The following RBMS3 variants were observed in gnomAD, a reference collection of about 807,000 sequenced individuals.
RBMS3 encodes RNA binding motif single stranded interacting protein 3, also known as RNA-binding motif, single-stranded-interacting protein 3.
Under a neutral mutation model 66.8 loss-of-function variants are expected in RBMS3, and 27 were observed. The ratio of observed to expected loss-of-function variants is 0.40; its 90% CI spans 0.30 to 0.56. The LOEUF (loss-of-function observed/expected upper bound fraction) is 0.56. Among genes scored for constraint, RBMS3 ranks in the 20% least tolerant of loss-of-function variants. The pLI is 0.40. For synonymous variants in RBMS3, 188 were observed against 183.0 expected (o/e 1.03, Z -0.22); for missense variants, 513 against 549.5 (o/e 0.93, Z 0.66).
chr3:29,593,121 A>G (rs1372325781), intron 4 of RBMS3, among the ~76,000 whole-genome samples: 1 of 152,132 alleles, frequency 6.6e-6, no homozygotes, highest in African/African-American at 2.4e-5. Context: ...ATATGTAACA[A>G]ACCTGCACGT....
At chr3:29,493,630 T>C (rs12493485) in intron 3 of RBMS3, among the ~76,000 whole-genome samples, 7,645 of 148,700 alleles carry the variant, frequency 0.051, 338 homozygotes, top group African/African-American at 0.12. Flanking sequence ...GTTCTGTTTT[T>C]TTGGGCAAGA....
intron 1 of RBMS3, among the ~76,000 whole-genome samples, chr3:29,301,963 T>TC (rs1163179246): frequency 2.0e-5 from 3 of 151,934 alleles, no homozygotes; most frequent in Non-Finnish European, 2.9e-5. Flanking sequence ...TAACGCTTTT[T>TC]CACACAAAGA....
intron 3 of RBMS3, among the ~76,000 whole-genome samples, chr3:29,521,636 C>T (rs2044860755): frequency 6.6e-6 from 1 of 152,190 alleles, no homozygotes; most frequent in African/African-American, 2.4e-5. Flanking sequence ...TTTAAGTGGA[C>T]TTGATAAAAT....
intron 3 of RBMS3, among the ~76,000 whole-genome samples, chr3:29,544,608 A>G (rs573575552): frequency 6.6e-6 from 1 of 152,212 alleles, no homozygotes; most frequent in Non-Finnish European, 1.5e-5. Flanking sequence ...AGTCTTCATG[A>G]CTTTATATAA....
At chr3:29,991,006 G>C (rs528808706) in intron 13 of RBMS3, 76 bp from the exon 14 acceptor site, 256 of 1,422,656 alleles carry the variant, frequency 1.8e-4, no homozygotes, top group Non-Finnish European at 2.4e-4. Flanking sequence ...AATAGAAGAG[G>C]GGTACTTACA....
Position 29,478,297 on chromosome 3 carries a change from G to C in RBMS3, c.249-10144G>C, listed in dbSNP as rs1254482918. 2.0e-5 allele frequency among the ~76,000 whole-genome samples: 3 copies of C among 152,186 alleles called. No individual in the cohort carries two copies. The East Asian group carries it at 5.8e-4, about 29-fold the overall frequency. ...AAAATTTATATTTCACAGTGCTGGA[G>C]GCTGAGAAGTTCAAGATGAAGGCAG... On this transcript the variant is annotated intron_variant, in intron 2 of 14. Coordinates refer to ENST00000383767, the MANE Select transcript of RBMS3 (RefSeq NM_001003793.3).
At chr3:29,478,731 GCAGATGTAAAATCT>G (rs917407162) in intron 2 of RBMS3, among the ~76,000 whole-genome samples, 1 of 152,186 alleles carries the variant, frequency 6.6e-6, no homozygotes, top group Non-Finnish European at 1.5e-5. Flanking sequence ...TTCTCAAATA[GCAGATGTAAAATCT>G]GCTGTGAAGC....
intron 1 of RBMS3, among the ~76,000 whole-genome samples, chr3:29,336,469 A>T (rs547547501): frequency 2.6e-5 from 4 of 151,556 alleles, no homozygotes; most frequent in Non-Finnish European, 5.9e-5. Context: ...GAAAAAAAAA[A>T]CCATAATCAA....
At chr3:29,400,981 A>G (rs775597062) in intron 1 of RBMS3, among the ~76,000 whole-genome samples, 9 of 152,078 alleles carry the variant, frequency 5.9e-5, no homozygotes, top group Non-Finnish European at 1.3e-4. Context: ...AAACCATGGA[A>G]GGTTTTAGGA....
chr3:29,315,943 T>G (rs1329574949), intron 1 of RBMS3, among the ~76,000 whole-genome samples: 1 of 151,792 alleles, frequency 6.6e-6, no homozygotes. Context: ...TTTTCTAGCT[T>G]CTTGAGATAA....
chr3:29,333,287 C>T (rs1299644684), intron 1 of RBMS3, among the ~76,000 whole-genome samples: 3 of 151,898 alleles, frequency 2.0e-5, no homozygotes, highest in Admixed American at 6.6e-5. Context: ...TCCTTTATTC[C>T]CAGAGGTGAA....
intron 3 of RBMS3, among the ~76,000 whole-genome samples, chr3:29,535,158 C>G (rs951156390): frequency 6.6e-6 from 1 of 152,046 alleles, no homozygotes; most frequent in Non-Finnish European, 1.5e-5. Context: ...TGAGTTTTTA[C>G]CAATTTTCCT....
intron 4 of RBMS3, among the ~76,000 whole-genome samples, chr3:29,691,947 C>CTTTTTTTTTTTTTTTTTTTT (rs1218393454): frequency 2.6e-4 from 14 of 53,526 alleles, no homozygotes; most frequent in Admixed American, 7.5e-4. Context: ...CTCTCTCTCT[C>CTTTTTTTTTTTTTTTTTTTT]TATTTTTTTT....
At chr3:29,864,928 AAG>A (rs1234748121) in intron 6 of RBMS3, among the ~76,000 whole-genome samples, 20 of 127,290 alleles carry the variant, frequency 1.6e-4, no homozygotes, top group Non-Finnish European at 2.4e-4. Context: ...GGAAGGAAGG[AAG>A]AGAGAGAGAG....
At chr3:29,626,046 G>A (rs2149165918) in intron 4 of RBMS3, among the ~76,000 whole-genome samples, 1 of 152,302 alleles carries the variant, frequency 6.6e-6, no homozygotes, top group East Asian at 1.9e-4. Context: ...ATAACAGTGT[G>A]TATGTGATGG....
At chr3:29,417,432 A>G (rs559071371) in intron 1 of RBMS3, among the ~76,000 whole-genome samples, 94 of 152,094 alleles carry the variant, frequency 6.2e-4, no homozygotes, top group African/African-American at 2.1e-3. Context: ...TGTTGCTTTC[A>G]ACTTTTATGG....
chr3:29,693,871 A>G (rs1224618564), intron 4 of RBMS3, among the ~76,000 whole-genome samples: 4 of 152,082 alleles, frequency 2.6e-5, no homozygotes, highest in Non-Finnish European at 4.4e-5. Flanking sequence ...TGGAAATACT[A>G]CTCTTGTTTT....
At chr3:29,445,296 T>G (rs2041784000) in intron 2 of RBMS3, among the ~76,000 whole-genome samples, 1 of 151,954 alleles carries the variant, frequency 6.6e-6, no homozygotes, top group Non-Finnish European at 1.5e-5. Context: ...AATATGAAGC[T>G]CTTTTATTGT....
chr3:29,657,763 G>T (rs1032254063), intron 4 of RBMS3, among the ~76,000 whole-genome samples: 3 of 152,038 alleles, frequency 2.0e-5, no homozygotes, highest in African/African-American at 7.2e-5. Flanking sequence ...AAATGTTCTT[G>T]CTCTTTTAAC....
Sources: gnomAD v4.1 joint callset for allele counts (sites outside exome capture counted in the v4.1 genomes callset) on GRCh38, gnomAD v4.1.1 for gene constraint, MANE v1.5 for transcripts, NCBI Gene and HGNC (gene_info 2026-07-23, HGNC 2026-07-21) for gene names.